Variants in MCF2L2 observed in about 807,000 individuals in gnomAD.
MCF2L2 encodes the protein MCF.2 cell line derived transforming sequence-like 2.
Under a neutral mutation model 150.2 loss-of-function variants are expected in MCF2L2, and 102 were observed. The ratio of observed to expected loss-of-function variants is 0.68; its 90% confidence interval spans 0.58 to 0.80. MCF2L2 has a LOEUF of 0.80. Ranked by LOEUF, MCF2L2 falls within the 30% of genes least tolerant of loss-of-function variation. The pLI, the probability that MCF2L2 is intolerant of heterozygous loss-of-function variation, is 0.00. For missense variants in MCF2L2, 1,256 were observed against 1,372.8 expected (o/e 0.91, Z 1.34); for synonymous variants, 465 against 491.3 (o/e 0.95, Z 0.71).
At chr3:183,241,940 G>A (rs1283031925) in intron 15 of MCF2L2, among the ~76,000 whole-genome samples, 2 of 152,174 alleles carry the variant, frequency 1.3e-5, no homozygotes, top group Non-Finnish European at 2.9e-5. Context: ...GGAACTTGTT[G>A]GGAATTGGAG....
intron 1 of MCF2L2, among the ~76,000 whole-genome samples, chr3:183,420,153 A>G (rs1232039314): frequency 6.6e-6 from 1 of 152,232 alleles, no homozygotes; most frequent in Admixed American, 6.5e-5. Context: ...AAACTTTCCC[A>G]CATCTTCCGG....
At chr3:183,238,651 G>T (rs1723856669) in intron 15 of MCF2L2, among the ~76,000 whole-genome samples, 1 of 151,494 alleles carries the variant, frequency 6.6e-6, no homozygotes, top group African/African-American at 2.4e-5. Flanking sequence ...GCGTGGCCCA[G>T]GAAAGCCAAA....
chr3:183,295,235 T>C, intron 13 of MCF2L2, 65 bp downstream of exon 13: 1 of 1,487,930 alleles, frequency 6.7e-7, no homozygotes, highest in South Asian at 1.3e-5. Flanking sequence ...AGACAACCAG[T>C]CACAGTCCTC....
intron 15 of MCF2L2, among the ~76,000 whole-genome samples, chr3:183,248,536 T>C (rs143574591): frequency 3.3e-5 from 5 of 152,202 alleles, no homozygotes; most frequent in Admixed American, 2.6e-4. Flanking sequence ...AAATGGGAAA[T>C]AGAAAATTAC....
intron 3 of MCF2L2, among the ~76,000 whole-genome samples, chr3:183,362,886 A>C (rs1712297527): frequency 1.3e-5 from 2 of 152,212 alleles, no homozygotes; most frequent in African/African-American, 4.8e-5. Flanking sequence ...ACATTTCTTT[A>C]CGTCTTTATA....
chr3:183,219,649 C>A (rs988470087), intron 21 of MCF2L2, among the ~76,000 whole-genome samples: 1 of 151,660 alleles, frequency 6.6e-6, no homozygotes, highest in African/African-American at 2.4e-5. Context: ...AAATATATTA[C>A]CACTTCCATT....
intron 15 of MCF2L2, among the ~76,000 whole-genome samples, chr3:183,273,978 G>C (rs1052886460): frequency 6.6e-6 from 1 of 152,180 alleles, no homozygotes; most frequent in African/African-American, 2.4e-5. Context: ...ACTTTGGGAG[G>C]CCGAGGCAAG....
At chr3:183,180,433 T>C (rs1040202000) in intron 27 of MCF2L2, 8 of 403,940 alleles carry the variant, frequency 2.0e-5, no homozygotes, top group Non-Finnish European at 3.5e-5. Flanking sequence ...ACAGTCATTG[T>C]TTTTTGTGTT....
chr3:183,404,425 G>A (rs796775106), intron 1 of MCF2L2, among the ~76,000 whole-genome samples: 21 of 152,306 alleles, frequency 1.4e-4, no homozygotes, highest in African/African-American at 5.1e-4. Flanking sequence ...AATCACAAGT[G>A]CTGATAAACA....
chr3:183,339,694 G>C (rs976492070), intron 4 of MCF2L2, among the ~76,000 whole-genome samples: 8 of 152,150 alleles, frequency 5.3e-5, no homozygotes, highest in African/African-American at 1.4e-4. Flanking sequence ...TAGGAACCCA[G>C]GTCTCCATGG....
chr3:183,301,397 T>C (rs1241087637), intron 10 of MCF2L2, among the ~76,000 whole-genome samples: 3 of 151,932 alleles, frequency 2.0e-5, no homozygotes, highest in Admixed American at 2.0e-4. Context: ...AATTAGATGG[T>C]GGGGAGGGCA....
At chr3:183,255,071 A>T (rs1359893139) in intron 15 of MCF2L2, among the ~76,000 whole-genome samples, 1 of 152,206 alleles carries the variant, frequency 6.6e-6, no homozygotes. Context: ...CCTGAGGCTC[A>T]TATTTATGGT....
At chr3:183,381,918 T>C (rs567371245) in intron 2 of MCF2L2, among the ~76,000 whole-genome samples, 1 of 152,332 alleles carries the variant, frequency 6.6e-6, no homozygotes, top group East Asian at 1.9e-4. Context: ...TTTGAAAAGC[T>C]AAATTAAGAT....
intron 25 of MCF2L2, among the ~76,000 whole-genome samples, chr3:183,201,994 T>C (rs1200963126): frequency 6.6e-6 from 1 of 152,198 alleles, no homozygotes; most frequent in Non-Finnish European, 1.5e-5. Context: ...AATGAGCTTT[T>C]TAACTTGCCC....
intron 15 of MCF2L2, among the ~76,000 whole-genome samples, chr3:183,256,385 G>A (rs1725046636): frequency 6.6e-6 from 1 of 152,118 alleles, no homozygotes; most frequent in South Asian, 2.1e-4. Flanking sequence ...CATATATATA[G>A]GGGATGTAAG....
chr3:183,180,425 A>G (rs1721480106), intron 27 of MCF2L2: 1 of 411,654 alleles, frequency 2.4e-6, no homozygotes, highest in African/African-American at 2.1e-5. Flanking sequence ...CCAAGAAAAC[A>G]GTCATTGTTT....
At chr3:183,403,167 G>A (rs2108613901) in intron 1 of MCF2L2, among the ~76,000 whole-genome samples, 1 of 152,234 alleles carries the variant, frequency 6.6e-6, no homozygotes, top group South Asian at 2.1e-4. Context: ...AGATACTCAG[G>A]AGGCTGAGGC....
chr3:183,305,891 A>G lies in MCF2L2; in HGVS notation c.1113+3825T>C, dbSNP rs1729072588. On this transcript the variant is annotated intron_variant, in intron 10 of 29. Coordinates refer to ENST00000328913, the MANE Select transcript of MCF2L2 (RefSeq NM_015078.4). This position sits in a 1 kb window ranked among gnomAD's most constrained non-coding sequence, Gnocchi z 4.1. ...AAGGAGCAACCCGGATTCAGCCACCACATGGCTGGAAGGTCACTATTACAG... is the reference window on the plus strand; with the variant it reads ...AAGGAGCAACCCGGATTCAGCCACCGCATGGCTGGAAGGTCACTATTACAG... 6.6e-6 allele frequency among the ~76,000 whole-genome samples: 1 copy of G among 152,194 alleles called. No homozygotes were observed. Among genetic ancestry groups the G allele is most frequent in the African/African-American group, 2.4e-5 (1 of 41,454 alleles).
At chr3:183,370,823 A>T (rs1712830316) in intron 3 of MCF2L2, among the ~76,000 whole-genome samples, 1 of 152,192 alleles carries the variant, frequency 6.6e-6, no homozygotes, top group African/African-American at 2.4e-5. Flanking sequence ...ACTCTTAATA[A>T]AACCAAGGAG....
Sources: gnomAD v4.1 joint callset for allele counts (sites outside exome capture counted in the v4.1 genomes callset) on GRCh38, gnomAD v4.1.1 for gene constraint, Gnocchi (gnomAD v3.1) non-coding constraint, MANE v1.5 for transcripts, NCBI Gene and HGNC (gene_info 2026-07-23, HGNC 2026-07-21) for gene names.